SIAH2: variants seen among roughly 807,000 people sequenced by gnomAD.
The protein encoded by SIAH2 is E3 ubiquitin-protein ligase SIAH2.
A neutral mutation model predicts 20.4 loss-of-function variants in SIAH2; 4 were observed. The ratio of observed to expected loss-of-function variants is 0.20; its 90% confidence interval spans 0.10 to 0.45. SIAH2 has a LOEUF of 0.45. Ranked by LOEUF, SIAH2 falls within the 20% of genes least tolerant of loss-of-function variation. The pLI, the probability that SIAH2 is intolerant of heterozygous loss-of-function variation, is 0.99. For missense variants in SIAH2, 259 were observed against 440.3 expected, an observed-to-expected ratio of 0.59 and a Z score of 3.69; for synonymous variants, 171 against 192.5, an observed-to-expected ratio of 0.89 and a Z score of 0.93.
At chr3:150,754,104 AAGC>A (rs1338210158) in intron 1 of SIAH2, among the ~76,000 whole-genome samples, 3 of 152,260 alleles carry the variant, frequency 2.0e-5, no homozygotes, top group African/African-American at 7.2e-5. Flanking sequence ...TTAGATAAAG[AAGC>A]AGATTATGAA....
chr3:150,759,481 C>G (rs578044792), intron 1 of SIAH2, among the ~76,000 whole-genome samples: 3 of 152,254 alleles, frequency 2.0e-5, no homozygotes, highest in African/African-American at 7.2e-5. Context: ...GTGAACTCAT[C>G]CAACCAGACG....
intron 1 of SIAH2, among the ~76,000 whole-genome samples, chr3:150,747,961 T>C (rs1714262362): frequency 1.1e-5 from 1 of 93,312 alleles, no homozygotes; most frequent in Non-Finnish European, 1.8e-5. Context: ...CGAAACGCCA[T>C]CTCAAAAAAA....
intron 1 of SIAH2, among the ~76,000 whole-genome samples, chr3:150,756,634 T>G (rs1461487538): frequency 6.6e-6 from 1 of 152,220 alleles, no homozygotes; most frequent in Non-Finnish European, 1.5e-5. Context: ...AACTATTTAC[T>G]CTAGTTCCAG....
chr3:150,759,370 C>A (rs1714556569), intron 1 of SIAH2, among the ~76,000 whole-genome samples: 1 of 152,166 alleles, frequency 6.6e-6, no homozygotes, highest in Non-Finnish European at 1.5e-5. Flanking sequence ...CCCCACCCTC[C>A]CATCTTCCTA....
At chr3:150,759,388 T>A (rs1576584124) in intron 1 of SIAH2, among the ~76,000 whole-genome samples, 1 of 152,144 alleles carries the variant, frequency 6.6e-6, no homozygotes, top group East Asian at 1.9e-4. Context: ...CTACCCTACA[T>A]GCCCTACAAA....
In SIAH2 at chr3:150,762,509, C is replaced by T; in HGVS notation, c.341G>A (p.Cys114Tyr). The change falls in exon 1 of 2, where the codon TGC becomes TAC. Residue 114 changes from cysteine (C) to tyrosine (Y), a missense_variant. Transcript: ENST00000312960. The surrounding 1 kb of genome is among the most constrained non-coding windows in gnomAD (Gnocchi z 6.6). ...CRQKLSCCPT[C>Y]RGALTPSIRN... ...GATGCTGGGCGTCAGGGCGCCCCTG[C>T]ACGTCGGGCAGCAGCTCAACTTCTG... 6.2e-7 allele frequency: 1 copy of T among 1,613,630 alleles called. No homozygotes were observed. Among genetic ancestry groups the T allele is most frequent in the Non-Finnish European group, 8.5e-7 (1 of 1,179,930 alleles).
chr3:150,754,032 T>C (rs1379463098), intron 1 of SIAH2, among the ~76,000 whole-genome samples: 1 of 152,230 alleles, frequency 6.6e-6, no homozygotes, highest in African/African-American at 2.4e-5. Context: ...CCATTAAATA[T>C]GATCCTAAAG....
At chr3:150,748,998 G>T (rs1714290270) in intron 1 of SIAH2, among the ~76,000 whole-genome samples, 1 of 152,104 alleles carries the variant, frequency 6.6e-6, no homozygotes, top group Non-Finnish European at 1.5e-5. Context: ...AATGATTTTA[G>T]ATGAAACACA....
chr3:150,755,322 CTTTTTTTT>C (rs386398232), intron 1 of SIAH2, among the ~76,000 whole-genome samples: 7 of 80,186 alleles, frequency 8.7e-5, no homozygotes, highest in Non-Finnish European at 1.1e-4. Context: ...CTTTTCTTCC[CTTTTTTTT>C]TTTTTTTTTT....
intron 1 of SIAH2, among the ~76,000 whole-genome samples, chr3:150,744,825 C>T (rs537733459): frequency 5.3e-5 from 8 of 152,240 alleles, no homozygotes; most frequent in African/African-American, 1.7e-4. Flanking sequence ...TCATTCATGA[C>T]GAACTCAACA....
chr3:150,751,437 AAGAG>A (rs750539131), intron 1 of SIAH2, among the ~76,000 whole-genome samples: 2 of 151,896 alleles, frequency 1.3e-5, no homozygotes, highest in Non-Finnish European at 2.9e-5. Flanking sequence ...AGAAAAAAAA[AAGAG>A]AGAGATATCA....
chr3:150,760,061 C>G (rs1335716989), intron 1 of SIAH2, among the ~76,000 whole-genome samples: 1 of 152,154 alleles, frequency 6.6e-6, no homozygotes. Context: ...AACAGATCTG[C>G]CTTGTTTTAA....
chr3:150,753,788 T>G (rs1323560822), intron 1 of SIAH2, among the ~76,000 whole-genome samples: 2 of 150,576 alleles, frequency 1.3e-5, no homozygotes, highest in Non-Finnish European at 2.9e-5. Context: ...AACTAGACCC[T>G]GTCTCGAAAC....
chr3:150,758,850 C>T (rs1423017351), intron 1 of SIAH2, among the ~76,000 whole-genome samples: 2 of 151,254 alleles, frequency 1.3e-5, no homozygotes, highest in Non-Finnish European at 2.9e-5. Flanking sequence ...TCAAGCAATT[C>T]TCCTGCCTCA....
At position 150,762,579 on chromosome 3, in the gene SIAH2, T is replaced by C; in HGVS notation, c.271A>G (p.Ile91Val). 1 of 1,612,966 alleles carries C rather than the reference T, an allele frequency of 6.2e-7. No homozygotes were observed. Among genetic ancestry groups the C allele is most frequent in the Non-Finnish European group, 8.5e-7 (1 of 1,179,782 alleles). ...PVCFDYVLPP[I>V]LQCQAGHLVC... ...AGGTGCCCGGCCTGGCACTGCAGAATAGGAGGCAGGACATAGTCAAAGCAG... is the reference window on the plus strand; with the variant it reads ...AGGTGCCCGGCCTGGCACTGCAGAACAGGAGGCAGGACATAGTCAAAGCAG... The change falls in exon 1 of 2, where the codon ATT becomes GTT. Residue 91 changes from isoleucine (I) to valine (V), a missense_variant. Physicochemically the swap from Ile to Val is conservative, Grantham distance 29. Transcript: ENST00000312960. The surrounding 1 kb of genome is among the most constrained non-coding windows in gnomAD (Gnocchi z 6.6).
intron 1 of SIAH2, among the ~76,000 whole-genome samples, chr3:150,747,857 G>T (rs148338635): frequency 6.6e-6 from 1 of 151,594 alleles, no homozygotes; most frequent in Non-Finnish European, 1.5e-5. Flanking sequence ...CCAGCTACCC[G>T]GGAGGCTAAG....
chr3:150,758,101 G>A (rs1203247439), intron 1 of SIAH2, among the ~76,000 whole-genome samples: 1 of 152,172 alleles, frequency 6.6e-6, no homozygotes, highest in East Asian at 1.9e-4. Context: ...AACTAGATGA[G>A]GCCAAGGGAT....
chr3:150,757,633 T>C (rs1148369), intron 1 of SIAH2, among the ~76,000 whole-genome samples: 111,144 of 151,640 alleles, frequency 0.73, 41,043 homozygotes, highest in East Asian at 0.94. Context: ...CAAGTGGTGG[T>C]TATACATGTG....
chr3:150,751,435 AAAAG>A (rs1300563627), intron 1 of SIAH2, among the ~76,000 whole-genome samples: 1 of 151,974 alleles, frequency 6.6e-6, no homozygotes, highest in Non-Finnish European at 1.5e-5. Flanking sequence ...TAAGAAAAAA[AAAAG>A]AGAGAGATAT....
Sources: gnomAD v4.1 joint callset for allele counts (sites outside exome capture counted in the v4.1 genomes callset) on GRCh38, gnomAD v4.1.1 for gene constraint, Gnocchi (gnomAD v3.1) non-coding constraint, MANE v1.5 for transcripts, NCBI Gene and HGNC (gene_info 2026-07-23, HGNC 2026-07-21) for gene names.